Variants in WASF2 observed in about 807,000 individuals in gnomAD.
WASF2 encodes WASP family member 2.
In WASF2, 14 loss-of-function variants were observed where a neutral mutation model predicts 45.0. The observed-to-expected ratio is 0.31, with a 90% CI of 0.21 to 0.49. The LOEUF (loss-of-function observed/expected upper bound fraction) is 0.49, where lower values mean the gene tolerates loss of function less well. WASF2 is among the 20% of genes least tolerant of loss of function. The pLI is 0.99. For missense variants in WASF2, 439 were observed against 636.1 expected (o/e 0.69, Z 3.33); for synonymous variants, 200 against 236.3 (o/e 0.85, Z 1.41).
In WASF2 at chr1:27,416,022, T is replaced by G. The variant is rs1442311627; in HGVS notation, c.500A>C (p.Asp167Ala). 6.2e-7 allele frequency: 1 copy of G among 1,614,136 alleles called. No homozygotes were observed. Among genetic ancestry groups the G allele is most frequent in the African/African-American group, 1.3e-5 (1 of 75,028 alleles). Reference protein sequence around the residue: ...FDLWKEKMLQDTKDIMKEKRK... With the variant: ...FDLWKEKMLQATKDIMKEKRK... ...CTTCTCTTTCATGATATCCTTGGTGTCCTGCAGCATCTTCTCCTTCCAAAG... is the reference window on the plus strand; with the variant it reads ...CTTCTCTTTCATGATATCCTTGGTGGCCTGCAGCATCTTCTCCTTCCAAAG... The change falls in exon 5 of 9, where the codon GAC (aspartate) becomes GCC (alanine). Residue 167 changes from aspartate to alanine, a missense_variant. This residue lies in a region of WASF2 where 23 missense variants were observed against 69.7 expected (regional missense o/e 0.33). Coordinates refer to ENST00000618852, the MANE Select transcript of WASF2 (RefSeq NM_006990.5).
chr1:27,418,843 G>T, intron 3 of WASF2, 111 bp downstream of exon 3: 2 of 1,336,274 alleles, frequency 1.5e-6, no homozygotes, highest in Non-Finnish European at 1.0e-6. Context: ...GAACTCTATA[G>T]GTCTCTGTGA....
chr1:27,476,248 A>C (rs991520909), intron 1 of WASF2, among the ~76,000 whole-genome samples: 4 of 152,192 alleles, frequency 2.6e-5, no homozygotes, highest in African/African-American at 7.2e-5. Flanking sequence ...AATATCTGAG[A>C]CTGGGTAATT....
intron 1 of WASF2, among the ~76,000 whole-genome samples, chr1:27,457,871 C>T (rs901723829): frequency 6.6e-6 from 1 of 152,068 alleles, no homozygotes; most frequent in African/African-American, 2.4e-5. Flanking sequence ...AATCCTCCCA[C>T]CTTTACCTCC....
intron 2 of WASF2, among the ~76,000 whole-genome samples, chr1:27,422,360 C>T (rs182213654): frequency 2.6e-5 from 4 of 152,256 alleles, no homozygotes; most frequent in Admixed American, 1.3e-4. Context: ...TGGCTCATGC[C>T]TGTAATCCCA....
chr1:27,412,562 C>T lies in WASF2; in HGVS notation c.824+10G>A. The T allele has an allele frequency of 6.2e-7, 1 of 1,614,126 alleles. No homozygotes were observed. The highest frequency in any genetic ancestry group is 2.2e-5 in the East Asian group (1 of 44,880). On this transcript the variant is annotated intron_variant, in intron 7 of 8. Transcript: ENST00000618852. ...TACCAATAGTGGATGGAGTAGGTAC[C>T]ACCATTTACCTGAATTCTGCTGGTG...
At chr1:27,462,254 G>A (rs2017556050) in intron 1 of WASF2, among the ~76,000 whole-genome samples, 1 of 152,008 alleles carries the variant, frequency 6.6e-6, no homozygotes, top group African/African-American at 2.4e-5. Flanking sequence ...GGAATTACAG[G>A]TGTGAGCCAC....
chr1:27,416,895 G>T (rs1025439741), intron 4 of WASF2, among the ~76,000 whole-genome samples: 6 of 152,242 alleles, frequency 3.9e-5, no homozygotes, highest in Non-Finnish European at 8.8e-5. Flanking sequence ...TCACTATCCA[G>T]AAAGGATGTG....
chr1:27,460,847 A>AC (rs1388689716), intron 1 of WASF2, among the ~76,000 whole-genome samples: 1 of 152,176 alleles, frequency 6.6e-6, no homozygotes, highest in East Asian at 1.9e-4. Context: ...ATAACCTTAG[A>AC]AAAGTTTTTG....
At chr1:27,418,193 C>A in intron 4 of WASF2, 76 bp downstream of exon 4, 1 of 1,489,088 alleles carries the variant, frequency 6.7e-7, no homozygotes, top group Non-Finnish European at 9.0e-7. Context: ...CTGATGGAAA[C>A]AACCGCTTCA....
At chr1:27,438,157 C>G (rs759825523) in intron 1 of WASF2, among the ~76,000 whole-genome samples, 2 of 152,206 alleles carry the variant, frequency 1.3e-5, no homozygotes, top group Admixed American at 1.3e-4. Context: ...CCCAGACAAA[C>G]AGCCAAAAGT....
At chr1:27,439,740 C>T (rs1283467370) in intron 1 of WASF2, among the ~76,000 whole-genome samples, 1 of 152,216 alleles carries the variant, frequency 6.6e-6, no homozygotes, top group Non-Finnish European at 1.5e-5. Context: ...TGGCTCATGC[C>T]TGTAATCCCA....
In WASF2 at chr1:27,412,565, C is replaced by A; in HGVS notation, c.824+7G>T. ...CAATAGTGGATGGAGTAGGTACCAC[C>A]ATTTACCTGAATTCTGCTGGTGGAG... On this transcript the variant is annotated splice_region_variant and intron_variant, in intron 7 of 8. Transcript: ENST00000618852. 1 of 1,614,168 alleles carries A rather than the reference C, an allele frequency of 6.2e-7. No individual in the cohort carries two copies. The highest frequency in any genetic ancestry group is 8.5e-7 in the Non-Finnish European group (1 of 1,180,024).
intron 8 of WASF2, among the ~76,000 whole-genome samples, chr1:27,409,244 A>G (rs1215661924): frequency 2.0e-5 from 3 of 151,584 alleles, no homozygotes; most frequent in East Asian, 1.9e-4. Context: ...CTAACAAAGT[A>G]AAACTCCATC....
rs552988653 is a variant in WASF2, at chr1:27,410,980, C to T, written c.825-774G>A. Among the ~76,000 whole-genome samples, 1 of 152,332 alleles carries T rather than the reference C, an allele frequency of 6.6e-6. No homozygotes were observed. The highest frequency in any genetic ancestry group is 2.1e-4 in the South Asian group (1 of 4,824). On this transcript the variant is annotated intron_variant, in intron 7 of 8. Coordinates refer to ENST00000618852, the MANE Select transcript of WASF2 (RefSeq NM_006990.5). This position sits in a 1 kb window ranked among gnomAD's most constrained non-coding sequence, Gnocchi z 4.2. ...TTTTTCCACCTTTGTATCTACCCTGCACTAACAGCTACTCCTTAGAAAAGC... is the reference window on the plus strand; with the variant it reads ...TTTTTCCACCTTTGTATCTACCCTGTACTAACAGCTACTCCTTAGAAAAGC...
chr1:27,488,162 C>T (rs1395427266), intron 1 of WASF2, among the ~76,000 whole-genome samples: 1 of 152,098 alleles, frequency 6.6e-6, no homozygotes, highest in Non-Finnish European at 1.5e-5. Flanking sequence ...TCAGTAACTT[C>T]CTCTTCCAAT....
chr1:27,418,119 G>A, intron 4 of WASF2, 150 bp downstream of exon 4: 1 of 895,888 alleles, frequency 1.1e-6, no homozygotes, highest in Non-Finnish European at 1.6e-6. Flanking sequence ...GTAAATTTTA[G>A]TTTCTGCTGC....
chr1:27,411,455 A>G (rs2016759027), intron 7 of WASF2, among the ~76,000 whole-genome samples: 1 of 152,212 alleles, frequency 6.6e-6, no homozygotes, highest in Non-Finnish European at 1.5e-5. Flanking sequence ...AGTGAAACTA[A>G]CCAGAAGCAC....
Position 27,407,422 on chromosome 1 carries a change from T to C in WASF2, c.*767A>G, listed in dbSNP as rs11548322. On this transcript the variant is annotated 3_prime_UTR_variant, in exon 9 of 9. Transcript: ENST00000618852. ...GGCCCCTGTCCTCATGTGTCAGGGA[T>C]AGTTTGGTCATGGATACTAGAGGTT... The C allele has an allele frequency of 0.017, 2,562 of 152,838 alleles. 33 individuals carry two copies. Among genetic ancestry groups the C allele is most frequent in the South Asian group, 0.058 (278 of 4,822 alleles). The allele number at this position is 152,838 out of a possible 1,614,324, so 9.5% of individuals were successfully genotyped here. A position where few individuals can be genotyped will look rare whatever the true frequency, so the allele number is the denominator to read the frequency against.
rs78093552 is a variant in WASF2, at chr1:27,439,323, T to A, written c.-43-10390A>T. Reference sequence around the variant, plus strand: ...AACAGTAGTAGTAATAGTAGTATCATGGTAGTAGTGGTGGTGGTAGTAGTA... The same window carrying A: ...AACAGTAGTAGTAATAGTAGTATCAAGGTAGTAGTGGTGGTGGTAGTAGTA... On this transcript the variant is annotated intron_variant, in intron 1 of 8. Coordinates refer to ENST00000618852, the MANE Select transcript of WASF2 (RefSeq NM_006990.5). 2.6e-5 allele frequency among the ~76,000 whole-genome samples: 4 copies of A among 152,320 alleles called. No homozygotes were observed. The South Asian group carries it at 8.3e-4, about 32-fold the overall frequency.
Sources: gnomAD v4.1 joint callset for allele counts (sites outside exome capture counted in the v4.1 genomes callset) on GRCh38, gnomAD v4.1.1 for gene constraint, gnomAD v4.1.1 regional missense constraint, Gnocchi (gnomAD v3.1) non-coding constraint, MANE v1.5 for transcripts, NCBI Gene and HGNC (gene_info 2026-07-23, HGNC 2026-07-21) for gene names.